The following ANXA6 variants were observed in gnomAD, a reference collection of about 807,000 sequenced individuals.
ANXA6 encodes the protein 67 kDa calelectrin.
A neutral mutation model predicts 95.4 loss-of-function variants in ANXA6; 71 were observed. The observed-to-expected ratio is 0.74, with a 90% CI of 0.61 to 0.91. ANXA6 has a LOEUF of 0.91. Among genes scored for constraint, ANXA6 ranks in the 40% least tolerant of loss-of-function variants. ANXA6 has a pLI of 0.00. For missense variants in ANXA6, 830 were observed against 876.4 expected (o/e 0.95, Z 0.67); for synonymous variants, 289 against 315.9 (o/e 0.91, Z 0.90).
chr5:151,155,825 T>G lies in ANXA6; in HGVS notation c.-26+1855A>C, dbSNP rs1256891767. On this transcript the variant is annotated intron_variant, in intron 1 of 25. Coordinates refer to ENST00000354546, the MANE Select transcript of ANXA6 (RefSeq NM_001155.5). ...CTAAGCCCCAGAGGGGTAGTAGGTG[T>G]GCCCAGGGCGCCTAGCTGATTAGTG... The G allele has an allele frequency of 3.9e-5, 6 of 152,566 alleles. No individual in the cohort carries two copies. The East Asian group carries it at 1.2e-3, about 29-fold the overall frequency. The allele number at this position is 152,566 out of a possible 1,614,324, so 9.5% of individuals were successfully genotyped here. A position where few individuals can be genotyped will look rare whatever the true frequency, so the allele number is the denominator to read the frequency against.
At chr5:151,138,657 A>G in intron 5 of ANXA6, 21 bp downstream of exon 5, 1 of 1,573,660 alleles carries the variant, frequency 6.4e-7, no homozygotes, top group Non-Finnish European at 8.7e-7. Context: ...CCCCAACACC[A>G]CATACACCCC....
At chr5:151,118,957 C>T (rs2113911189) in intron 18 of ANXA6, among the ~76,000 whole-genome samples, 1 of 152,338 alleles carries the variant, frequency 6.6e-6, no homozygotes, top group East Asian at 1.9e-4. Flanking sequence ...TGGACAGTGA[C>T]AGCATAGCTT....
In ANXA6 at chr5:151,133,394, T is replaced by C. The variant is rs1485966779; in HGVS notation, c.547-207A>G. ...ATTGTTAGGCGACTTTGCCATTGTG[T>C]GATCATAGAGCACTCGCACACACCT... is the stretch of plus-strand genomic sequence containing the variant. On this transcript the variant is annotated intron_variant, in intron 8 of 25. Coordinates refer to ENST00000354546, the MANE Select transcript of ANXA6 (RefSeq NM_001155.5). 5 of 553,314 alleles carry C rather than the reference T, an allele frequency of 9.0e-6. No individual in the cohort carries two copies. The African/African-American group carries it at 9.4e-5, about 10-fold the overall frequency. 34.3% of individuals were successfully genotyped at this position (553,314 alleles called of 1,614,324 possible).
At chr5:151,126,563 C>T in intron 13 of ANXA6, 83 bp from the exon 14 acceptor site, 1 of 980,862 alleles carries the variant, frequency 1.0e-6, no homozygotes, top group Non-Finnish European at 1.6e-6. Context: ...CACACACACA[C>T]ACACACACCC....
At chr5:151,125,617 G>A (rs962374028) in intron 14 of ANXA6, among the ~76,000 whole-genome samples, 1 of 152,122 alleles carries the variant, frequency 6.6e-6, no homozygotes, top group Non-Finnish European at 1.5e-5. Flanking sequence ...CCTCTTTGAC[G>A]TAATCAGAAA....
At position 151,124,382 on chromosome 5, in the gene ANXA6, A is replaced by G. The variant is rs751731612; in HGVS notation, c.1057-15T>C. 79 of 1,603,814 alleles carry G rather than the reference A, an allele frequency of 4.9e-5. No individual in the cohort carries two copies. Among genetic ancestry groups the G allele is most frequent in the Non-Finnish European group, 6.6e-5 (78 of 1,175,240 alleles). ...GTTCCCTTCAGCTGTGAGAAGCAGA[A>G]AGAGACTCAGCAGGTGTCTGAAGGC... On this transcript the variant is annotated splice_polypyrimidine_tract_variant and intron_variant, in intron 14 of 25. Transcript: ENST00000354546.
intron 23 of ANXA6, among the ~76,000 whole-genome samples, chr5:151,106,000 C>G (rs1242872053): frequency 6.6e-6 from 1 of 152,228 alleles, no homozygotes; most frequent in Non-Finnish European, 1.5e-5. Context: ...CCACCCTACT[C>G]TGGTGCAGCC....
rs1035505928 is a variant in ANXA6, at chr5:151,106,914, G to A, written c.1780+1541C>T. On this transcript the variant is annotated intron_variant, in intron 23 of 25. Coordinates refer to ENST00000354546, the MANE Select transcript of ANXA6 (RefSeq NM_001155.5). ...GGTGTGTTGTGGTGTGTGTTTGCAC[G>A]TGTATACCTGTTCAAGGTGGGAGGA... is the stretch of plus-strand genomic sequence containing the variant. Among the ~76,000 whole-genome samples, 63 of 152,190 alleles carry A rather than the reference G, an allele frequency of 4.1e-4. 1 individual carries two copies. Among genetic ancestry groups the A allele is most frequent in the Non-Finnish European group, 3.4e-4 (23 of 68,036 alleles).
At chr5:151,142,692 A>C (rs1406006431) in intron 2 of ANXA6, among the ~76,000 whole-genome samples, 3 of 152,166 alleles carry the variant, frequency 2.0e-5, no homozygotes, top group African/African-American at 7.2e-5. Flanking sequence ...AGTAACTGTG[A>C]CTGGGCTAAA....
intron 20 of ANXA6, among the ~76,000 whole-genome samples, chr5:151,114,383 G>C (rs187248677): frequency 1.3e-5 from 2 of 151,888 alleles, no homozygotes; most frequent in African/African-American, 4.8e-5. Flanking sequence ...AGGCTGAGGC[G>C]GGCGGATCAC....
chr5:151,106,848 T>G (rs4958440), intron 23 of ANXA6, among the ~76,000 whole-genome samples: 112,198 of 152,058 alleles, frequency 0.74, 41,505 homozygotes, highest in African/African-American at 0.76. Flanking sequence ...ATCTGTCACA[T>G]GGGACCCCGA....
Position 151,122,271 on chromosome 5 carries a change from C to A in ANXA6, c.1234-11G>T. The stretch of plus-strand genomic sequence containing the variant: ...GTCAGTCATTAAGTCCTGCAAAGGG[C>A]AGAGCCACAGTCATGCCAACATCAG... On this transcript the variant is annotated splice_polypyrimidine_tract_variant and intron_variant, in intron 16 of 25. Coordinates refer to ENST00000354546, the MANE Select transcript of ANXA6 (RefSeq NM_001155.5). 6.5e-7 allele frequency: 1 copy of A among 1,544,452 alleles called. No individual in the cohort carries two copies. Among genetic ancestry groups the A allele is most frequent in the Admixed American group, 1.8e-5 (1 of 56,294 alleles).
chr5:151,133,287 C>A, intron 8 of ANXA6, 100 bp from the exon 9 acceptor site: 1 of 738,644 alleles, frequency 1.4e-6, no homozygotes, highest in Non-Finnish European at 2.4e-6. Flanking sequence ...CCTGAACACA[C>A]GAGTAATTGG....
rs945547243 is a variant in ANXA6, at chr5:151,154,047, G to C, written c.-26+3633C>G. ...TCAGCAAATGGAACCATCTACTATT[G>C]GTTTTCAAACTGTGCTTTACTCCTC... On this transcript the variant is annotated intron_variant, in intron 1 of 25. Coordinates refer to ENST00000354546, the MANE Select transcript of ANXA6 (RefSeq NM_001155.5). Among the ~76,000 whole-genome samples, 31 of 152,086 alleles carry C rather than the reference G, an allele frequency of 2.0e-4. 1 individual carries two copies. Among genetic ancestry groups the C allele is most frequent in the Middle Eastern group, 3.4e-3 (1 of 292 alleles).
intron 2 of ANXA6, among the ~76,000 whole-genome samples, chr5:151,144,923 T>C (rs1765935476): frequency 6.6e-6 from 1 of 152,032 alleles, no homozygotes; most frequent in African/African-American, 2.4e-5. Context: ...GCCCCTCAAA[T>C]CATCCAGGCC....
chr5:151,123,793 C>T (rs751203228), intron 15 of ANXA6, among the ~76,000 whole-genome samples: 1 of 152,220 alleles, frequency 6.6e-6, no homozygotes, highest in Non-Finnish European at 1.5e-5. Flanking sequence ...TGATCTGAAC[C>T]TGTGGGTGCA....
intron 18 of ANXA6, among the ~76,000 whole-genome samples, chr5:151,118,525 C>A (rs1193125292): frequency 2.0e-5 from 3 of 152,072 alleles, no homozygotes; most frequent in Non-Finnish European, 4.4e-5. Flanking sequence ...CCTCTGCTTC[C>A]CAGGTTCAAG....
Position 151,141,622 on chromosome 5 carries a change from C to A in ANXA6, c.19-1379G>T, listed in dbSNP as rs372309421. On this transcript the variant is annotated intron_variant, in intron 2 of 25. Coordinates refer to ENST00000354546, the MANE Select transcript of ANXA6 (RefSeq NM_001155.5). ...GCCTCCCAACGTCTGCACTGCAGGA[C>A]CCCGGCCAGGCCTCTGGATGCTCTC... 10 of 985,472 alleles carry A rather than the reference C, an allele frequency of 1.0e-5. No homozygotes were observed. The East Asian group carries it at 6.8e-4, about 67-fold the overall frequency. 61.0% of individuals were successfully genotyped at this position (985,472 alleles called of 1,614,324 possible). A position where few individuals can be genotyped will look rare whatever the true frequency, so the allele number is the denominator to read the frequency against.
intron 5 of ANXA6, 22 bp from the exon 6 acceptor site, chr5:151,137,343 A>G (rs1765695526): frequency 1.2e-6 from 2 of 1,600,262 alleles, no homozygotes; most frequent in African/African-American, 2.7e-5. Context: ...AAAAGAGCGC[A>G]TGAATTAAGG....
Sources: gnomAD v4.1 joint callset for allele counts (sites outside exome capture counted in the v4.1 genomes callset) on GRCh38, gnomAD v4.1.1 for gene constraint, MANE v1.5 for transcripts, NCBI Gene and HGNC (gene_info 2026-07-23, HGNC 2026-07-21) for gene names.